The following PELI2 variants were observed in gnomAD, a reference collection of about 807,000 sequenced individuals.
PELI2 encodes the protein E3 ubiquitin-protein ligase pellino homolog 2.
Under a neutral mutation model 42.3 loss-of-function variants are expected in PELI2, and 23 were observed. The ratio of observed to expected loss-of-function variants is 0.54; its 90% CI spans 0.39 to 0.77. The LOEUF is 0.77. PELI2 is among the 30% of genes least tolerant of loss of function. The pLI, the probability that PELI2 is intolerant of heterozygous loss-of-function variation, is 0.00. For missense variants in PELI2, 463 were observed against 553.2 expected (o/e 0.84, Z 1.64); for synonymous variants, 245 against 212.2 (o/e 1.15, Z -1.34).
intron 2 of PELI2, among the ~76,000 whole-genome samples, chr14:56,187,966 G>A (rs1885826483): frequency 1.3e-5 from 2 of 152,188 alleles, no homozygotes; most frequent in South Asian, 2.1e-4. Flanking sequence ...TTCGCAGGGG[G>A]CGTTGTCGTT....
At chr14:56,186,027 A>G (rs1885757532) in intron 2 of PELI2, among the ~76,000 whole-genome samples, 1 of 152,152 alleles carries the variant, frequency 6.6e-6, no homozygotes, top group African/African-American at 2.4e-5. Context: ...ATGAGACTTA[A>G]AATAGGGAGA....
intron 1 of PELI2, among the ~76,000 whole-genome samples, chr14:56,125,820 C>G (rs1883236800): frequency 6.6e-6 from 1 of 152,122 alleles, no homozygotes; most frequent in Non-Finnish European, 1.5e-5. Flanking sequence ...CTTCCCCCCT[C>G]CTTGGAATGC....
rs1260310604 is a variant in PELI2, at chr14:56,200,948, G to A, written c.207+22484G>A. ...TCACAAGTTTGTTTGGATTTCATAG[G>A]CCTTCTTTTTAAATAAGAAAGTCAC... On this transcript the variant is annotated intron_variant, in intron 2 of 5. Coordinates refer to ENST00000267460, the MANE Select transcript of PELI2 (RefSeq NM_021255.3). Among the ~76,000 whole-genome samples, 7 of 152,084 alleles carry A rather than the reference G, an allele frequency of 4.6e-5. No individual in the cohort carries two copies. In the East Asian group the frequency reaches 1.4e-3, roughly 29 times the overall value.
intron 3 of PELI2, among the ~76,000 whole-genome samples, chr14:56,286,335 T>A (rs2139888172): frequency 6.6e-6 from 1 of 152,272 alleles, no homozygotes; most frequent in East Asian, 1.9e-4. Flanking sequence ...AATAAAGTGA[T>A]TGATGCAGGG....
chr14:56,235,894 G>A (rs917976120), intron 2 of PELI2, among the ~76,000 whole-genome samples: 1 of 152,154 alleles, frequency 6.6e-6, no homozygotes, highest in Non-Finnish European at 1.5e-5. Context: ...AGCTGGTGAG[G>A]TTAGATTTCC....
chr14:56,204,828 G>C (rs1396212571), intron 2 of PELI2, among the ~76,000 whole-genome samples: 1 of 152,042 alleles, frequency 6.6e-6, no homozygotes, highest in Non-Finnish European at 1.5e-5. Flanking sequence ...AGGTTAGATC[G>C]AGACCATCGT....
At chr14:56,256,566 T>C (rs1290936150) in intron 2 of PELI2, among the ~76,000 whole-genome samples, 2 of 152,226 alleles carry the variant, frequency 1.3e-5, no homozygotes, top group African/African-American at 4.8e-5. Context: ...TGAATTCTTA[T>C]TAAATAAATT....
intron 2 of PELI2, among the ~76,000 whole-genome samples, chr14:56,213,400 G>C (rs1349262315): frequency 6.6e-6 from 1 of 152,214 alleles, no homozygotes. Flanking sequence ...TACCCAGAGA[G>C]GAGTACACTT....
chr14:56,225,643 G>A (rs150467620), intron 2 of PELI2, among the ~76,000 whole-genome samples: 16 of 152,320 alleles, frequency 1.1e-4, no homozygotes, highest in African/African-American at 2.4e-4. Context: ...CGGTCACAAC[G>A]CCCAGCAGCA....
rs192680797 is a variant in PELI2 at position 56,188,380 on chromosome 14, G to T, written c.207+9916G>T. On this transcript the variant is annotated intron_variant, in intron 2 of 5. Coordinates refer to ENST00000267460, the MANE Select transcript of PELI2 (RefSeq NM_021255.3). ...GATAGTTTATGTATCAGGTGTGCTT[G>T]GTAAATTTTGTTCAGGTTAGTTCTG... is the stretch of plus-strand genomic sequence containing the variant. Among the ~76,000 whole-genome samples, 9 of 149,234 alleles carry T rather than the reference G, an allele frequency of 6.0e-5. No individual in the cohort carries two copies. In the East Asian group the frequency reaches 1.8e-3, roughly 29 times the overall value.
intron 1 of PELI2, among the ~76,000 whole-genome samples, chr14:56,128,833 G>A (rs1442703751): frequency 1.3e-5 from 2 of 151,936 alleles, no homozygotes; most frequent in Non-Finnish European, 2.9e-5. Context: ...CTGGCAAGGT[G>A]CTGCCAAGGA....
intron 2 of PELI2, among the ~76,000 whole-genome samples, chr14:56,256,577 T>C (rs955272503): frequency 6.6e-6 from 1 of 152,194 alleles, no homozygotes; most frequent in East Asian, 1.9e-4. Context: ...TAAATAAATT[T>C]TTTTATTTTA....
At chr14:56,249,936 T>A (rs113151655) in intron 2 of PELI2, among the ~76,000 whole-genome samples, 2 of 152,178 alleles carry the variant, frequency 1.3e-5, no homozygotes, top group Admixed American at 6.5e-5. Flanking sequence ...TCTGTTTGAC[T>A]TTTGTGCACA....
chr14:56,170,668 C>T (rs141835177), intron 1 of PELI2, among the ~76,000 whole-genome samples: 228 of 152,288 alleles, frequency 1.5e-3, no homozygotes, highest in African/African-American at 5.3e-3. Flanking sequence ...AGTAAGTGTA[C>T]AGCAAATGTT....
chr14:56,290,777 T>G lies in PELI2; in HGVS notation c.696+321T>G, dbSNP rs183608450. ...AAGGAGAAGAAACTTATTTTTAGTG[T>G]AAAACTTTATTGATTTGGAAAACGT... On this transcript the variant is annotated intron_variant, in intron 5 of 5. Transcript: ENST00000267460. 1.0e-3 allele frequency among the ~76,000 whole-genome samples: 153 copies of G among 152,190 alleles called. 1 individual carries two copies. The highest frequency in any genetic ancestry group is 4.3e-3 in the Admixed American group (66 of 15,278).
intron 2 of PELI2, among the ~76,000 whole-genome samples, chr14:56,225,372 A>G (rs998641093): frequency 3.9e-5 from 6 of 152,154 alleles, no homozygotes; most frequent in African/African-American, 1.4e-4. Context: ...TGAAAGAGGT[A>G]AGACTACCAG....
At chr14:56,216,067 G>A (rs1342396568) in intron 2 of PELI2, among the ~76,000 whole-genome samples, 1 of 152,150 alleles carries the variant, frequency 6.6e-6, no homozygotes, top group African/African-American at 2.4e-5. Flanking sequence ...AAGCTTTCAA[G>A]GTAGCATTTA....
chr14:56,268,335 C>T (rs1308043398), intron 2 of PELI2, among the ~76,000 whole-genome samples: 1 of 152,118 alleles, frequency 6.6e-6, no homozygotes, highest in East Asian at 1.9e-4. Flanking sequence ...TATGTCAATA[C>T]TTAAATATTT....
chr14:56,162,360 G>A (rs541265902), intron 1 of PELI2, among the ~76,000 whole-genome samples: 7 of 152,174 alleles, frequency 4.6e-5, no homozygotes, highest in Non-Finnish European at 1.0e-4. Flanking sequence ...GTGAGAACAT[G>A]TGATGTTTGT....
Sources: allele counts gnomAD v4.1 joint callset (sites outside exome capture counted in the v4.1 genomes callset), GRCh38; gene constraint gnomAD v4.1.1; transcripts MANE v1.5; gene names NCBI Gene and HGNC (gene_info 2026-07-23, HGNC 2026-07-21).